CSMD3: variants seen among roughly 807,000 people sequenced by gnomAD.
CSMD3 encodes CUB and Sushi multiple domains 3.
Under a neutral mutation model 435.2 loss-of-function variants are expected in CSMD3, and 177 were observed. The ratio of observed to expected loss-of-function variants is 0.41; its 90% confidence interval spans 0.36 to 0.46. The LOEUF (loss-of-function observed/expected upper bound fraction) is 0.46, where lower values mean the gene tolerates loss of function less well. CSMD3 is among the 20% of genes least tolerant of loss of function. The probability of loss-of-function intolerance (pLI) is 0.34; values close to 1 mark genes in which losing one functional copy is unlikely to be tolerated. For synonymous variants in CSMD3, 1,656 were observed against 1,520.5 expected, an observed-to-expected ratio of 1.09 and a Z score of -2.07; for missense variants, 4,265 against 4,504.6, an observed-to-expected ratio of 0.95 and a Z score of 1.52.
chr8:112,555,760 C>A (rs1391269404), intron 25 of CSMD3, among the ~76,000 whole-genome samples: 1 of 151,906 alleles, frequency 6.6e-6, no homozygotes. Flanking sequence ...AGTTTTATGG[C>A]AATTCCTATG....
At chr8:112,263,920 G>A (rs1366196547) in intron 60 of CSMD3, 108 bp from the exon 61 acceptor site, 6 of 963,598 alleles carry the variant, frequency 6.2e-6, no homozygotes, top group East Asian at 2.6e-5. Flanking sequence ...TAACCTTTTC[G>A]AGGACAATAT....
intron 6 of CSMD3, among the ~76,000 whole-genome samples, chr8:112,990,110 A>G (rs1308429438): frequency 6.6e-6 from 1 of 151,996 alleles, no homozygotes; most frequent in Non-Finnish European, 1.5e-5. Context: ...AATGTGAGTC[A>G]ATTAAAATTT....
At chr8:112,563,528 C>T (rs530992276) in intron 24 of CSMD3, among the ~76,000 whole-genome samples, 309 of 151,510 alleles carry the variant, frequency 2.0e-3, no homozygotes, top group Non-Finnish European at 3.6e-3. Context: ...TAATATTAAA[C>T]GGGCTAAGTT....
Position 112,410,633 on chromosome 8 carries a change from T to C in CSMD3, c.5396-1601A>G, listed in dbSNP as rs1345978548. On this transcript the variant is annotated intron_variant, in intron 32 of 70. Coordinates refer to ENST00000297405, the MANE Select transcript of CSMD3 (RefSeq NM_198123.2). ...ATATATATGTATATATATGTGTATA[T>C]ATATGTATATATATATGTGTATATA... 4.9e-5 allele frequency among the ~76,000 whole-genome samples: 5 copies of C among 102,544 alleles called. No individual in the cohort carries two copies. The Admixed American group carries it at 5.6e-4, about 11-fold the overall frequency. 67.3% of individuals were successfully genotyped at this position (102,544 alleles called of 152,430 possible). A position where few individuals can be genotyped will look rare whatever the true frequency, so the allele number is the denominator to read the frequency against.
intron 1 of CSMD3, among the ~76,000 whole-genome samples, chr8:113,394,933 A>G (rs569919257): frequency 6.6e-6 from 1 of 152,240 alleles, no homozygotes; most frequent in Non-Finnish European, 1.5e-5. Flanking sequence ...TGAAGGTGAG[A>G]AGAGGAAGTG....
intron 5 of CSMD3, among the ~76,000 whole-genome samples, chr8:113,098,093 T>C (rs2131542914): frequency 6.6e-6 from 1 of 152,176 alleles, no homozygotes; most frequent in Admixed American, 6.6e-5. Flanking sequence ...AGTAATTGTT[T>C]TGGATAAATT....
intron 16 of CSMD3, among the ~76,000 whole-genome samples, chr8:112,672,380 T>A (rs2075678499): frequency 6.6e-6 from 1 of 152,118 alleles, no homozygotes; most frequent in Non-Finnish European, 1.5e-5. Flanking sequence ...CCTGCAGTTA[T>A]TATTGCTTTC....
chr8:112,835,180 G>C lies in CSMD3; in HGVS notation c.1756-5391C>G, dbSNP rs1267814681. ...AGATAGCATTAAATATTAAATACTT[G>C]GTAGATCCATTTCTCATAAGGCTCA... is the stretch of plus-strand genomic sequence containing the variant. On this transcript the variant is annotated intron_variant, in intron 11 of 70. Transcript: ENST00000297405. Among the ~76,000 whole-genome samples, 2 of 151,724 alleles carry C rather than the reference G, an allele frequency of 1.3e-5. 1 individual carries two copies. The highest frequency in any genetic ancestry group is 2.9e-5 in the Non-Finnish European group (2 of 67,826).
chr8:113,011,341 T>C (rs2086247894), intron 6 of CSMD3, among the ~76,000 whole-genome samples: 1 of 151,774 alleles, frequency 6.6e-6, no homozygotes, highest in Non-Finnish European at 1.5e-5. Context: ...GGACTAGAGT[T>C]AAGCAAAAAA....
At chr8:113,334,809 ATCGGTGC>A (rs2094058415) in intron 1 of CSMD3, among the ~76,000 whole-genome samples, 3 of 152,048 alleles carry the variant, frequency 2.0e-5, no homozygotes, top group Admixed American at 6.6e-5. Context: ...CTTTTAAGGA[ATCGGTGC>A]ATTTTGTCTT....
intron 1 of CSMD3, chr8:113,376,568 A>G (rs1293597515): frequency 1.5e-6 from 1 of 667,708 alleles, no homozygotes; most frequent in Non-Finnish European, 2.6e-6. Flanking sequence ...TCCAAAATAA[A>G]CTAATATATA....
chr8:112,384,248 A>C (rs1360453410), intron 36 of CSMD3, among the ~76,000 whole-genome samples: 1 of 152,200 alleles, frequency 6.6e-6, no homozygotes, highest in Non-Finnish European at 1.5e-5. Flanking sequence ...GACACAAAAA[A>C]ATGATATTTT....
chr8:112,763,617 T>A (rs1306544504), intron 13 of CSMD3, among the ~76,000 whole-genome samples: 2 of 148,464 alleles, frequency 1.3e-5, no homozygotes, highest in African/African-American at 5.0e-5. Context: ...AGCTTCTACT[T>A]CTATTTTTAT....
At chr8:113,055,921 T>C (rs942019418) in intron 5 of CSMD3, among the ~76,000 whole-genome samples, 6 of 152,134 alleles carry the variant, frequency 3.9e-5, no homozygotes, top group African/African-American at 1.2e-4. Context: ...GAAGGTCTTA[T>C]ATGAGAAGCT....
At chr8:112,626,451 A>G (rs1454649972) in intron 22 of CSMD3, among the ~76,000 whole-genome samples, 1 of 152,134 alleles carries the variant, frequency 6.6e-6, no homozygotes, top group Non-Finnish European at 1.5e-5. Flanking sequence ...TTAATGGCAT[A>G]TATATTTTCT....
intron 2 of CSMD3, chr8:113,313,935 C>T (rs1481152286): frequency 1.3e-5 from 2 of 152,092 alleles, no homozygotes; most frequent in Non-Finnish European, 2.9e-5. Flanking sequence ...TACATAACCT[C>T]TTTGCCAAGA....
intron 23 of CSMD3, among the ~76,000 whole-genome samples, chr8:112,580,896 T>C (rs1030223182): frequency 6.6e-6 from 1 of 152,050 alleles, no homozygotes; most frequent in African/African-American, 2.4e-5. Context: ...AAATACAGAA[T>C]TGACTGAGTT....
At chr8:113,408,631 A>G (rs190636701) in intron 1 of CSMD3, among the ~76,000 whole-genome samples, 166 of 151,982 alleles carry the variant, frequency 1.1e-3, no homozygotes, top group African/African-American at 3.8e-3. Context: ...CAGTTACAAT[A>G]GTTACATTTC....
chr8:112,833,583 C>T (rs2079938966), intron 11 of CSMD3, among the ~76,000 whole-genome samples: 1 of 151,790 alleles, frequency 6.6e-6, no homozygotes, highest in South Asian at 2.1e-4. Context: ...ATTTTAAAAT[C>T]TTAACTTTCT....
Sources: allele counts gnomAD v4.1 joint callset (sites outside exome capture counted in the v4.1 genomes callset), GRCh38; gene constraint gnomAD v4.1.1; transcripts MANE v1.5; gene names NCBI Gene and HGNC (gene_info 2026-07-23, HGNC 2026-07-21).